Variants in TRIQK observed in about 807,000 individuals in gnomAD.
The protein encoded by TRIQK is triple QxxK/R motif-containing protein.
TRIQK carries 10 observed loss-of-function variants against 10.8 expected under a neutral mutation model. The ratio of observed to expected loss-of-function variants is 0.92; its 90% CI spans 0.57 to 1.57. The LOEUF is 1.57. Among genes scored for constraint, TRIQK ranks in the 40% most tolerant of loss-of-function variants. The probability of loss-of-function intolerance (pLI) is 0.00; values close to 1 mark genes in which losing one functional copy is unlikely to be tolerated. For synonymous variants in TRIQK, 33 were observed against 33.7 expected (o/e 0.98, Z 0.07); for missense variants, 107 against 97.7 (o/e 1.09, Z -0.40).
intron 2 of TRIQK, among the ~76,000 whole-genome samples, chr8:92,926,865 G>T (rs543208770): frequency 1.3e-5 from 2 of 152,208 alleles, no homozygotes; most frequent in African/African-American, 4.8e-5. Context: ...AATTAATGCT[G>T]TGGAGGAATG....
At chr8:92,990,977 G>C (rs1205476464) in intron 1 of TRIQK, among the ~76,000 whole-genome samples, 1 of 152,216 alleles carries the variant, frequency 6.6e-6, no homozygotes, top group African/African-American at 2.4e-5. Flanking sequence ...CACCCTCATG[G>C]AGCCCAGCAA....
chr8:92,900,112 T>C (rs1417133050), intron 3 of TRIQK, among the ~76,000 whole-genome samples: 1 of 152,198 alleles, frequency 6.6e-6, no homozygotes, highest in Admixed American at 6.5e-5. Flanking sequence ...AATTTTTTCC[T>C]ATTGGGTTGT....
intron 2 of TRIQK, among the ~76,000 whole-genome samples, chr8:92,943,534 A>G (rs189008012): frequency 9.4e-4 from 143 of 152,318 alleles, no homozygotes; most frequent in Middle Eastern, 3.4e-3. Flanking sequence ...CTTACAGCCA[A>G]CTGATGTTCA....
At chr8:92,901,704 CT>C (rs1459157441) in intron 3 of TRIQK, among the ~76,000 whole-genome samples, 1 of 151,516 alleles carries the variant, frequency 6.6e-6, no homozygotes. Flanking sequence ...CTGTAGTTTT[CT>C]TTTTTTTAAT....
intron 4 of TRIQK, among the ~76,000 whole-genome samples, chr8:92,888,936 G>T (rs560786969): frequency 6.6e-6 from 1 of 151,614 alleles, no homozygotes. Context: ...AAAAAAGTTG[G>T]TGATGCTGTA....
rs1036620039 is a variant in TRIQK at position 92,884,852 on chromosome 8, G to T, written c.*1770C>A. ...CACGTAAATGTGATGGGAGTGGGGG[G>T]GTGGGGAGCAGTATTTCTTGACATG... On this transcript the variant is annotated 3_prime_UTR_variant, in exon 5 of 5. Coordinates refer to ENST00000521988, the MANE Select transcript of TRIQK (RefSeq NM_001171797.2). 2.2e-6 allele frequency: 1 copy of T among 455,938 alleles called. No homozygotes were observed. The highest frequency in any genetic ancestry group is 2.4e-5 in the Admixed American group (1 of 42,456). The allele number at this position is 455,938 out of a possible 1,614,324, so 28.2% of individuals were successfully genotyped here. A position where few individuals can be genotyped will look rare whatever the true frequency, so the allele number is the denominator to read the frequency against.
rs1809883808 is a variant in TRIQK at position 92,916,923 on chromosome 8, G to T, written c.61+6C>A. ...AGGAGTGTATCAAAGATAATTCATT[G>T]CTTACCAATTTGTTTTCTGTACTGA... On this transcript the variant is annotated splice_donor_region_variant and intron_variant, in intron 3 of 4. Coordinates refer to ENST00000521988, the MANE Select transcript of TRIQK (RefSeq NM_001171797.2). 2.7e-6 allele frequency: 4 copies of T among 1,461,382 alleles called. No homozygotes were observed. In the African/African-American group the frequency reaches 5.8e-5, roughly 21 times the overall value. 90.5% of individuals were successfully genotyped at this position (1,461,382 alleles called of 1,614,324 possible). A position where few individuals can be genotyped will look rare whatever the true frequency, so the allele number is the denominator to read the frequency against.
At chr8:92,931,424 G>A (rs545845695) in intron 2 of TRIQK, among the ~76,000 whole-genome samples, 7 of 152,078 alleles carry the variant, frequency 4.6e-5, no homozygotes, top group Non-Finnish European at 8.8e-5. Flanking sequence ...CAATCTAAGA[G>A]GGGGCTTACA....
chr8:92,898,833 G>GTATATATATATA (rs67063066), intron 3 of TRIQK, among the ~76,000 whole-genome samples: 1,287 of 73,802 alleles, frequency 0.017, 44 homozygotes, highest in African/African-American at 0.022. Context: ...GTGTGTGTGT[G>GTATATATATATA]TATATATATA....
chr8:92,937,286 A>C (rs1034197848), intron 2 of TRIQK, among the ~76,000 whole-genome samples: 1 of 151,378 alleles, frequency 6.6e-6, no homozygotes, highest in Non-Finnish European at 1.5e-5. Flanking sequence ...TTAGGGAAAA[A>C]TATACCTATA....
intron 2 of TRIQK, among the ~76,000 whole-genome samples, chr8:92,926,732 A>G (rs919156433): frequency 6.6e-6 from 1 of 152,240 alleles, no homozygotes; most frequent in Admixed American, 6.5e-5. Flanking sequence ...GAGGTCTGGT[A>G]ACCAAAAGTA....
intron 3 of TRIQK, among the ~76,000 whole-genome samples, chr8:92,893,547 T>A (rs938432543): frequency 6.6e-6 from 1 of 151,938 alleles, no homozygotes; most frequent in Admixed American, 6.6e-5. Context: ...ACAAAATACA[T>A]GAGAAAAATG....
chr8:92,962,975 C>A (rs1439014970), intron 1 of TRIQK, among the ~76,000 whole-genome samples: 1 of 152,126 alleles, frequency 6.6e-6, no homozygotes, highest in Non-Finnish European at 1.5e-5. Context: ...CTTGTTATTG[C>A]AAGTTGAAGT....
intron 2 of TRIQK, among the ~76,000 whole-genome samples, chr8:92,918,092 T>C (rs1274360203): frequency 6.6e-6 from 1 of 152,100 alleles, no homozygotes; most frequent in Non-Finnish European, 1.5e-5. Context: ...CCACTGTGTA[T>C]AGAGACAACA....
At chr8:92,986,654 C>T (rs913301257) in intron 1 of TRIQK, among the ~76,000 whole-genome samples, 2 of 152,024 alleles carry the variant, frequency 1.3e-5, no homozygotes, top group African/African-American at 4.8e-5. Context: ...AATACTTTCT[C>T]GGGGCCAAAT....
At chr8:92,970,694 A>G (rs538851608), upstream of TRIQK, among the ~76,000 whole-genome samples, 1 of 152,278 alleles carries the variant, frequency 6.6e-6, no homozygotes, top group South Asian at 2.1e-4. Flanking sequence ...GATTGTAGAT[A>G]TTAGACCTTT....
At chr8:92,931,916 C>G (rs186636050) in intron 2 of TRIQK, among the ~76,000 whole-genome samples, 3 of 152,150 alleles carry the variant, frequency 2.0e-5, no homozygotes, top group Non-Finnish European at 2.9e-5. Flanking sequence ...TTTTAAAATA[C>G]TGCATTTCAG....
At chr8:92,931,375 T>TGTA (rs1279932634) in intron 2 of TRIQK, among the ~76,000 whole-genome samples, 2 of 152,286 alleles carry the variant, frequency 1.3e-5, no homozygotes, top group Admixed American at 1.3e-4. Context: ...GGAAGTCTAC[T>TGTA]GAAAACCTTT....
At chr8:92,972,007 A>G (rs1436928744) in intron 1 of TRIQK, among the ~76,000 whole-genome samples, 1 of 152,138 alleles carries the variant, frequency 6.6e-6, no homozygotes, top group African/African-American at 2.4e-5. Flanking sequence ...CACTTTTATC[A>G]TTATGCAATG....
Sources: gnomAD v4.1 joint callset for allele counts (sites outside exome capture counted in the v4.1 genomes callset) on GRCh38, gnomAD v4.1.1 for gene constraint, MANE v1.5 for transcripts, NCBI Gene and HGNC (gene_info 2026-07-23, HGNC 2026-07-21) for gene names.